Variants in MASP1 observed in about 807,000 individuals in gnomAD.
The protein encoded by MASP1 is mannan-binding lectin serine protease 1.
MASP1 carries 59 observed loss-of-function variants against 77.1 expected under a neutral mutation model. That is an observed-to-expected ratio of 0.77 (90% confidence interval 0.62 to 0.95). The LOEUF is 0.95. Ranked by LOEUF, MASP1 falls within the 40% of genes least tolerant of loss-of-function variation. The probability of loss-of-function intolerance (pLI) is 0.00; values close to 1 mark genes in which losing one functional copy is unlikely to be tolerated. For missense variants in MASP1, 885 were observed against 912.9 expected, an observed-to-expected ratio of 0.97 and a Z score of 0.39; for synonymous variants, 362 against 354.5, an observed-to-expected ratio of 1.02 and a Z score of -0.24.
downstream of MASP1, among the ~76,000 whole-genome samples, chr3:187,229,263 C>A (rs528696912): frequency 1.3e-5 from 2 of 152,214 alleles, no homozygotes; most frequent in African/African-American, 4.8e-5. Context: ...TCCATCATAC[C>A]CTGTTCTTAC....
At chr3:187,220,328 G>C in intron 15 of MASP1, 1 of 1,430,406 alleles carries the variant, frequency 7.0e-7, no homozygotes, top group Non-Finnish European at 9.7e-7. Flanking sequence ...CTTCTCCCAT[G>C]TATGGGTTGT....
chr3:187,284,326 G>C (rs1717672824), intron 2 of MASP1, among the ~76,000 whole-genome samples: 1 of 152,108 alleles, frequency 6.6e-6, no homozygotes, highest in African/African-American at 2.4e-5. Context: ...ACAACATCTG[G>C]ACACATTTAT....
At position 187,235,837 on chromosome 3, in the gene MASP1, C is replaced by T. The variant is rs1085307080; in HGVS notation, c.2034G>A (p.Trp678Ter). ...CCCAGGACACCAGGCCTTGCACCAC[C>T]CAGCGCTGGCTCAAGTCATCAAAGA... ...FVIFDDLSQRWVVQGLVSWGG... is the reference protein window; with the variant it reads ...FVIFDDLSQR Residue 678 changes from tryptophan to a stop codon, truncating the protein, a stop_gained, in exon 11 of 11, where the codon TGG becomes TGA. Coordinates refer to ENST00000296280, the MANE Select transcript of MASP1 (RefSeq NM_139125.4). LOFTEE classifies it high-confidence loss of function. 1 of 1,614,200 alleles carries T rather than the reference C, an allele frequency of 6.2e-7. No homozygotes were observed. The highest frequency in any genetic ancestry group is 8.5e-7 in the Non-Finnish European group (1 of 1,180,030).
chr3:187,290,996 T>A (rs1418610476), intron 1 of MASP1, among the ~76,000 whole-genome samples: 1 of 151,944 alleles, frequency 6.6e-6, no homozygotes, highest in Non-Finnish European at 1.5e-5. Context: ...TTTTTTTAAG[T>A]ATGATATCTC....
intron 2 of MASP1, among the ~76,000 whole-genome samples, chr3:187,268,863 G>A (rs983827984): frequency 3.3e-5 from 5 of 152,102 alleles, no homozygotes; most frequent in African/African-American, 1.2e-4. Flanking sequence ...TCAGGAGTTC[G>A]AGACCAGGCT....
At chr3:187,240,803 T>G (rs952400043) in intron 10 of MASP1, among the ~76,000 whole-genome samples, 2 of 152,082 alleles carry the variant, frequency 1.3e-5, no homozygotes, top group African/African-American at 4.8e-5. Flanking sequence ...GGCTAATTTT[T>G]TTTTCTATTT....
At chr3:187,225,344 G>A in exon 13 of MASP1, 1 of 1,613,424 alleles carries the variant, frequency 6.2e-7, no homozygotes, top group South Asian at 1.1e-5. Context: ...GGGTCCCTCA[G>A]GCAGACAGAT....
At chr3:187,246,322 C>G in intron 8 of MASP1, 1 of 937,044 alleles carries the variant, frequency 1.1e-6, no homozygotes, top group Non-Finnish European at 1.3e-6. Context: ...ATTCTGATGC[C>G]CTGTATGTCA....
At chr3:187,222,679 TG>T (rs1329860574) in intron 14 of MASP1, among the ~76,000 whole-genome samples, 6 of 145,408 alleles carry the variant, frequency 4.1e-5, no homozygotes, top group African/African-American at 1.6e-4. Context: ...TTTAGTTAAG[TG>T]TTTTTTTTTT....
intron 1 of MASP1, among the ~76,000 whole-genome samples, chr3:187,289,425 A>T (rs1718124220): frequency 6.6e-6 from 1 of 152,190 alleles, no homozygotes; most frequent in Admixed American, 6.5e-5. Flanking sequence ...GCTCAATACC[A>T]TATGGTGAAT....
At chr3:187,218,214 A>G (rs1711860293) in exon 16 of MASP1, 1 of 152,204 alleles carries the variant, frequency 6.6e-6, no homozygotes, top group Non-Finnish European at 1.5e-5. Flanking sequence ...GTTCTATTAC[A>G]TGGTAGTCAA....
At chr3:187,252,174 T>TG (rs2108542288) in intron 6 of MASP1, among the ~76,000 whole-genome samples, 1 of 152,264 alleles carries the variant, frequency 6.6e-6, no homozygotes, top group South Asian at 2.1e-4. Flanking sequence ...CCACCACCCC[T>TG]GGGAGGGCTA....
chr3:187,220,496 CTT>C (rs376566294), intron 15 of MASP1, among the ~76,000 whole-genome samples: 7 of 127,742 alleles, frequency 5.5e-5, no homozygotes, highest in Admixed American at 1.7e-4. Context: ...TTTTTTCTTT[CTT>C]TTTTTTTTTT....
downstream of MASP1, chr3:187,229,678 G>T: frequency 2.6e-6 from 4 of 1,550,258 alleles, no homozygotes; most frequent in Middle Eastern, 3.4e-4. Flanking sequence ...TGTGCACAAT[G>T]ATTCTCAATG....
At position 187,234,362 on chromosome 3, in the gene MASP1, G is replaced by A. The variant is rs1712960049; in HGVS notation, c.*1322C>T. On this transcript the variant is annotated 3_prime_UTR_variant, in exon 11 of 11. Transcript: ENST00000296280. ...AGAAGGAGAACAATCAGCCCTGTGA[G>A]GGCCAGAGAGGCTGCTAGCAGTCAG... 7.8e-7 allele frequency: 1 copy of A among 1,287,140 alleles called. No individual in the cohort carries two copies. The highest frequency in any genetic ancestry group is 1.5e-5 in the African/African-American group (1 of 65,800). 79.7% of individuals were successfully genotyped at this position (1,287,140 alleles called of 1,614,324 possible).
At chr3:187,224,416 G>C (rs534053229) in intron 13 of MASP1, among the ~76,000 whole-genome samples, 2 of 144,452 alleles carry the variant, frequency 1.4e-5, no homozygotes, top group African/African-American at 2.6e-5. Context: ...GCGGGATCTC[G>C]GCTCACTGCA....
At chr3:187,225,615 C>G in intron 12 of MASP1, 1 of 1,188,322 alleles carries the variant, frequency 8.4e-7, no homozygotes, top group Non-Finnish European at 1.2e-6. Flanking sequence ...TGCTTCCAGC[C>G]TTAGCCCTTT....
chr3:187,223,024 A>C (rs919816329), intron 14 of MASP1: 28 of 1,023,750 alleles, frequency 2.7e-5, no homozygotes, highest in Non-Finnish European at 4.1e-5. Context: ...CCACTCACCA[A>C]CCCCCACCCA....
At chr3:187,227,660 A>G (rs1712515469) in intron 11 of MASP1, among the ~76,000 whole-genome samples, 1 of 152,126 alleles carries the variant, frequency 6.6e-6, no homozygotes, top group Non-Finnish European at 1.5e-5. Flanking sequence ...CCAGGGCTCT[A>G]CTTAGGCCAC....
Sources: gnomAD v4.1 joint callset for allele counts (sites outside exome capture counted in the v4.1 genomes callset) on GRCh38, gnomAD v4.1.1 for gene constraint, MANE v1.5 for transcripts, NCBI Gene and HGNC (gene_info 2026-07-23, HGNC 2026-07-21) for gene names.